The following PRUNE2 variants were observed in gnomAD, a reference collection of about 807,000 sequenced individuals.
PRUNE2 encodes the protein prune homolog 2 with BCH domain.
Under a neutral mutation model 252.0 loss-of-function variants are expected in PRUNE2, and 164 were observed. The ratio of observed to expected loss-of-function variants is 0.65; its 90% CI spans 0.57 to 0.74. The LOEUF is 0.74. Ranked by LOEUF, PRUNE2 falls within the 30% of genes least tolerant of loss-of-function variation. The probability of loss-of-function intolerance (pLI) is 0.00; values close to 1 mark genes in which losing one functional copy is unlikely to be tolerated. For synonymous variants in PRUNE2, 1,292 were observed against 1,350.2 expected (o/e 0.96, Z 0.94); for missense variants, 3,495 against 3,711.0 (o/e 0.94, Z 1.51).
At chr9:76,881,620 CTT>C (rs528980648) in intron 1 of PRUNE2, among the ~76,000 whole-genome samples, 21 of 142,202 alleles carry the variant, frequency 1.5e-4, no homozygotes, top group Middle Eastern at 3.6e-3. Flanking sequence ...CTGGACATTT[CTT>C]TTTTTTTTTT....
At chr9:76,810,247 T>C (rs942179788) in intron 6 of PRUNE2, among the ~76,000 whole-genome samples, 3 of 152,202 alleles carry the variant, frequency 2.0e-5, no homozygotes, top group Non-Finnish European at 4.4e-5. Context: ...CTAAAGTTCA[T>C]TTATAACATG....
At chr9:76,891,061 T>C (rs1165969753) in intron 1 of PRUNE2, among the ~76,000 whole-genome samples, 3 of 152,198 alleles carry the variant, frequency 2.0e-5, no homozygotes, top group East Asian at 3.8e-4. Context: ...AAAAGATTGG[T>C]AGGGAGATCT....
At chr9:76,629,521 G>C (rs1420345751) in intron 15 of PRUNE2, among the ~76,000 whole-genome samples, 1 of 151,206 alleles carries the variant, frequency 6.6e-6, no homozygotes, top group Non-Finnish European at 1.5e-5. Flanking sequence ...ATGTAAAAAA[G>C]TATAACATGA....
intron 16 of PRUNE2, 58 bp downstream of exon 16, chr9:76,629,134 C>T: frequency 1.9e-6 from 2 of 1,074,900 alleles, no homozygotes; most frequent in African/African-American, 1.6e-5. Flanking sequence ...TGAGCCACCA[C>T]ACCCAGCCTC....
intron 1 of PRUNE2, chr9:76,869,292 T>C (rs2061046014): frequency 6.6e-6 from 1 of 152,234 alleles, no homozygotes; most frequent in African/African-American, 2.4e-5. Context: ...TTGTTTCCAG[T>C]ACGGTGCAGG....
chr9:76,830,631 G>A (rs536256926), intron 4 of PRUNE2, among the ~76,000 whole-genome samples: 81 of 146,458 alleles, frequency 5.5e-4, no homozygotes, highest in African/African-American at 1.9e-3. Flanking sequence ...CAGCCTGAGC[G>A]ATACAGCAAG....
chr9:76,705,185 T>C lies in PRUNE2; in HGVS notation c.7089A>G (p.Glu2363=). The change falls in exon 8 of 19, where the codon GAA becomes GAG. Residue 2363 remains glutamate (E), a synonymous_variant. Transcript: ENST00000376718. ...AGTGTTCAGGCTCTCTCAGTAAATC[T>C]TCATCGATATTCTGGCCCATTACAT... ...EYDVMGQNID[E]DLLREPEHFL... 1 of 1,614,016 alleles carries C rather than the reference T, an allele frequency of 6.2e-7. No homozygotes were observed. Among genetic ancestry groups the C allele is most frequent in the Non-Finnish European group, 8.5e-7 (1 of 1,179,882 alleles).
At chr9:76,865,125 G>C (rs928929932) in intron 1 of PRUNE2, among the ~76,000 whole-genome samples, 1 of 152,180 alleles carries the variant, frequency 6.6e-6, no homozygotes, top group African/African-American at 2.4e-5. Context: ...AAATGAGGTA[G>C]TGCACCTCAG....
Position 76,708,938 on chromosome 9 carries a change from G to A in PRUNE2, c.3336C>T (p.Leu1112=), listed in dbSNP as rs781010882. The A allele has an allele frequency of 1.1e-5, 18 of 1,613,866 alleles. No individual in the cohort carries two copies. The highest frequency in any genetic ancestry group is 2.7e-5 in the African/African-American group (2 of 74,920). ...TNSRQTAPDS[L]DLWNRVILED... ...CCAAAATCACTCTGTTCCACAAGTC[G>A]AGACTGTCAGGGGCCGTCTGCCGGG... is the stretch of plus-strand genomic sequence containing the variant. Residue 1112 remains leucine, a synonymous_variant, in exon 8 of 19, where the codon CTC becomes CTT. Coordinates refer to ENST00000376718, the MANE Select transcript of PRUNE2 (RefSeq NM_015225.3).
intron 6 of PRUNE2, among the ~76,000 whole-genome samples, chr9:76,796,621 T>C (rs1020032513): frequency 1.3e-5 from 2 of 152,240 alleles, no homozygotes; most frequent in Non-Finnish European, 2.9e-5. Context: ...ATGCATTTCC[T>C]AATTGTCATA....
At chr9:76,692,132 T>C in intron 9 of PRUNE2, 4 of 717,482 alleles carry the variant, frequency 5.6e-6, no homozygotes, top group South Asian at 4.4e-5. Context: ...CGACTACAGC[T>C]CTTCAGCATC....
chr9:76,728,016 C>T (rs557028972), intron 6 of PRUNE2, among the ~76,000 whole-genome samples: 2 of 152,116 alleles, frequency 1.3e-5, no homozygotes, highest in African/African-American at 2.4e-5. Context: ...CGACGCCTGG[C>T]CTTAAACAGG....
At chr9:76,839,242 C>G (rs2059247247) in intron 4 of PRUNE2, among the ~76,000 whole-genome samples, 1 of 152,074 alleles carries the variant, frequency 6.6e-6, no homozygotes, top group Admixed American at 6.5e-5. Flanking sequence ...CAGTGTTTAT[C>G]GAGGGCCTAC....
intron 6 of PRUNE2, among the ~76,000 whole-genome samples, chr9:76,787,804 CA>C (rs1224947550): frequency 6.6e-6 from 1 of 152,170 alleles, no homozygotes; most frequent in African/African-American, 2.4e-5. Context: ...TCCCGCCTCC[CA>C]CTGCCCACAG....
intron 1 of PRUNE2, among the ~76,000 whole-genome samples, chr9:76,875,263 A>G (rs2061415741): frequency 1.3e-5 from 2 of 152,146 alleles, no homozygotes; most frequent in South Asian, 4.1e-4. Context: ...TACCACCTTC[A>G]ATACTCTTCA....
intron 6 of PRUNE2, among the ~76,000 whole-genome samples, chr9:76,775,675 T>C (rs1343125010): frequency 1.3e-5 from 2 of 152,226 alleles, no homozygotes; most frequent in African/African-American, 4.8e-5. Context: ...GAATGTTATC[T>C]CTTTACATTT....
rs1057443664 is a variant in PRUNE2, at chr9:76,666,903, G to A, written c.8277-11401C>T. Reference sequence around the variant, plus strand: ...CTCTATTAAAAATACAAAATTAGCCGGCTGTGGTGGTGCATGCCTGTAATC... The same window carrying A: ...CTCTATTAAAAATACAAAATTAGCCAGCTGTGGTGGTGCATGCCTGTAATC... On this transcript the variant is annotated intron_variant, in intron 9 of 18. Coordinates refer to ENST00000376718, the MANE Select transcript of PRUNE2 (RefSeq NM_015225.3). Among the ~76,000 whole-genome samples, 10 of 152,002 alleles carry A rather than the reference G, an allele frequency of 6.6e-5. No homozygotes were observed. In the East Asian group the frequency reaches 1.3e-3, roughly 20 times the overall value.
chr9:76,806,175 G>A (rs73460290), intron 6 of PRUNE2, among the ~76,000 whole-genome samples: 16 of 152,086 alleles, frequency 1.1e-4, no homozygotes, highest in African/African-American at 3.9e-4. Context: ...CCCCAACCCA[G>A]ACCTACTGAG....
chr9:76,880,603 A>ACACACAT (rs1386098933), intron 1 of PRUNE2, among the ~76,000 whole-genome samples: 1 of 152,170 alleles, frequency 6.6e-6, no homozygotes, highest in Non-Finnish European at 1.5e-5. Context: ...AAAATAAATT[A>ACACACAT]ATTTAATTAA....
Sources: allele counts gnomAD v4.1 joint callset (sites outside exome capture counted in the v4.1 genomes callset), GRCh38; gene constraint gnomAD v4.1.1; transcripts MANE v1.5; gene names NCBI Gene and HGNC (gene_info 2026-07-23, HGNC 2026-07-21).